The following GALNT9 variants were observed in gnomAD, a reference collection of about 807,000 sequenced individuals.
GALNT9 encodes the protein GalNAc transferase 9.
GALNT9 carries 47 observed loss-of-function variants against 63.1 expected under a neutral mutation model. The observed-to-expected ratio is 0.75, with a 90% CI of 0.59 to 0.95. GALNT9 has a LOEUF of 0.95. Among genes scored for constraint, GALNT9 ranks in the 40% least tolerant of loss-of-function variants. GALNT9 has a pLI of 0.00. For synonymous variants in GALNT9, 396 were observed against 365.7 expected, an observed-to-expected ratio of 1.08 and a Z score of -0.94; for missense variants, 829 against 874.8, an observed-to-expected ratio of 0.95 and a Z score of 0.66.
In GALNT9 at chr12:132,239,906, G is replaced by C. The variant is rs1046025476; in HGVS notation, c.1077+8004C>G. Among the ~76,000 whole-genome samples the C allele has an allele frequency of 3.6e-4, 54 of 152,072 alleles. 1 individual carries two copies. Among genetic ancestry groups the C allele is most frequent in the Non-Finnish European group, 1.5e-4 (10 of 68,006 alleles). On this transcript the variant is annotated intron_variant, in intron 6 of 10. Transcript: ENST00000328957. ...GACCACAGAGAGAGATGCAGAGAGA[G>C]GGGAATCATTTCTTGTGAGGGGCCT...
At chr12:132,308,185 G>C (rs1367992797) in intron 1 of GALNT9, among the ~76,000 whole-genome samples, 1 of 152,212 alleles carries the variant, frequency 6.6e-6, no homozygotes, top group Non-Finnish European at 1.5e-5. Context: ...AGCTGGGAGG[G>C]AAGGACAGAC....
chr12:132,229,761 T>G (rs1877825016), intron 6 of GALNT9, among the ~76,000 whole-genome samples: 1 of 152,210 alleles, frequency 6.6e-6, no homozygotes, highest in South Asian at 2.1e-4. Flanking sequence ...AAGCACCAAC[T>G]CAGTGCCAGT....
chr12:132,226,022 CCA>C (rs1877665235), intron 6 of GALNT9, among the ~76,000 whole-genome samples: 1 of 146,952 alleles, frequency 6.8e-6, no homozygotes, highest in Admixed American at 6.7e-5. Flanking sequence ...TGTACACACC[CCA>C]CATACACCCC....
At chr12:132,209,031 C>T (rs73166849) in intron 6 of GALNT9, among the ~76,000 whole-genome samples, 132 of 152,298 alleles carry the variant, frequency 8.7e-4, no homozygotes, top group African/African-American at 2.9e-3. Context: ...TGGTCACCCC[C>T]GTGCTACCTG....
At chr12:132,292,591 C>T (rs1237317623) in intron 1 of GALNT9, among the ~76,000 whole-genome samples, 4 of 152,222 alleles carry the variant, frequency 2.6e-5, no homozygotes, top group African/African-American at 9.7e-5. Context: ...ATTCACCCTA[C>T]AACACTGCGC....
intron 2 of GALNT9, among the ~76,000 whole-genome samples, chr12:132,267,771 T>TCACACG (rs1879668336): frequency 8.1e-6 from 1 of 124,084 alleles, no homozygotes; most frequent in Non-Finnish European, 1.6e-5. Context: ...ACACATGCAC[T>TCACACG]CACACACACG....
intron 5 of GALNT9, 49 bp downstream of exon 5, chr12:132,257,640 C>G (rs996683521): frequency 1.7e-5 from 25 of 1,440,274 alleles, no homozygotes; most frequent in Middle Eastern, 1.7e-4. Flanking sequence ...CGCTCTGCTC[C>G]GCTCCTTGCC....
In GALNT9 at chr12:132,329,308, C is replaced by G. The variant is rs1869195130; in HGVS notation, c.-105G>C. 1 of 1,420,876 alleles carries G rather than the reference C, an allele frequency of 7.0e-7. No homozygotes were observed. The highest frequency in any genetic ancestry group is 9.3e-7 in the Non-Finnish European group (1 of 1,079,142). 88.0% of individuals were successfully genotyped at this position (1,420,876 alleles called of 1,614,324 possible). A position where few individuals can be genotyped will look rare whatever the true frequency, so the allele number is the denominator to read the frequency against. ...GGGGACCATGAGCCGCCCGGGGCTG[C>G]GGGGGCTGCGGGGCTCGGCCGGAGC... On this transcript the variant is annotated 5_prime_UTR_variant, in exon 1 of 11. Transcript: ENST00000328957.
intron 6 of GALNT9, among the ~76,000 whole-genome samples, chr12:132,239,391 G>A (rs1419915341): frequency 6.6e-6 from 1 of 151,236 alleles, no homozygotes; most frequent in African/African-American, 2.4e-5. Context: ...GAGACACAGA[G>A]ACAGAAAGAG....
intron 6 of GALNT9, among the ~76,000 whole-genome samples, chr12:132,217,499 CCCATCCAT>C (rs778976866): frequency 6.6e-6 from 1 of 151,144 alleles, no homozygotes; most frequent in African/African-American, 2.4e-5. Flanking sequence ...TGCATCCCCA[CCCATCCAT>C]CCATCCATCC....
At chr12:132,323,932 G>A (rs1380516846) in intron 1 of GALNT9, among the ~76,000 whole-genome samples, 1 of 152,006 alleles carries the variant, frequency 6.6e-6, no homozygotes, top group African/African-American at 2.4e-5. Flanking sequence ...CTGTCTTCCC[G>A]GCCACGGCCA....
chr12:132,293,899 AAGG>A (rs1880954327), intron 1 of GALNT9, among the ~76,000 whole-genome samples: 2 of 152,158 alleles, frequency 1.3e-5, no homozygotes, highest in South Asian at 2.1e-4. Flanking sequence ...TCGGGGCCAG[AAGG>A]AGAAGCCAGG....
intron 6 of GALNT9, among the ~76,000 whole-genome samples, chr12:132,217,789 GCCATCCATCCATCCGTCCATTCAC>G (rs1260261290): frequency 7.8e-6 from 1 of 128,556 alleles, no homozygotes; most frequent in Non-Finnish European, 1.7e-5. Flanking sequence ...CATCCACCCA[GCCATCCATCCATCCGTCCATTCAC>G]CCATCCATCC....
intron 1 of GALNT9, among the ~76,000 whole-genome samples, chr12:132,305,134 G>T (rs1208202277): frequency 1.4e-4 from 3 of 21,296 alleles, no homozygotes; most frequent in South Asian, 2.4e-3. Context: ...CCCGGGCACA[G>T]CCTCGCCCGG....
chr12:132,311,864 G>T (rs1306021175), intron 1 of GALNT9, among the ~76,000 whole-genome samples: 1 of 152,218 alleles, frequency 6.6e-6, no homozygotes, highest in Non-Finnish European at 1.5e-5. Flanking sequence ...AGCAGGCAGA[G>T]TGTCCCACCA....
At position 132,315,614 on chromosome 12, in the gene GALNT9, C is replaced by T. The variant is rs919918105; in HGVS notation, c.238+13352G>A. On this transcript the variant is annotated intron_variant, in intron 1 of 10. Coordinates refer to ENST00000328957, the MANE Select transcript of GALNT9 (RefSeq NM_001122636.2). The surrounding 1 kb of genome is among the most constrained non-coding windows in gnomAD (Gnocchi z 6.1). ...CCGTGGGATGTGGGCGAGGTTGCGC[C>T]GCGGCTGCTGATCTGAGAAGGTCGC... Among the ~76,000 whole-genome samples, 11 of 152,178 alleles carry T rather than the reference C, an allele frequency of 7.2e-5. No individual in the cohort carries two copies. The highest frequency in any genetic ancestry group is 1.2e-4 in the African/African-American group (5 of 41,426).
intron 1 of GALNT9, among the ~76,000 whole-genome samples, chr12:132,309,810 G>C (rs1256184716): frequency 6.6e-6 from 1 of 152,218 alleles, no homozygotes; most frequent in Non-Finnish European, 1.5e-5. Flanking sequence ...GCACAGGAGG[G>C]CAGAGAAAGA....
chr12:132,243,781 C>A (rs1349558449), intron 6 of GALNT9, among the ~76,000 whole-genome samples: 1 of 152,188 alleles, frequency 6.6e-6, no homozygotes, highest in Admixed American at 6.6e-5. Context: ...CCTATGAAGG[C>A]CCTGCCTGCC....
Position 132,296,036 on chromosome 12 carries a change from AGAACAGGGAGAGCCTCT to A in GALNT9, c.239-9623_239-9607del, listed in dbSNP as rs148065536. Among the ~76,000 whole-genome samples, 39 of 132,796 alleles carry A rather than the reference AGAACAGGGAGAGCCTCT, an allele frequency of 2.9e-4. No individual in the cohort carries two copies. The highest frequency in any genetic ancestry group is 9.6e-4 in the African/African-American group (30 of 31,330). The allele number at this position is 132,796 out of a possible 152,430, so 87.1% of individuals were successfully genotyped here. ...AGCCTCCGGAACAGGGAGAGCCTCC[AGAACAGGGAGAGCCTCT>A]GAACAGGGAGAGGCTCCGGAACAGG... On this transcript the variant is annotated intron_variant, in intron 1 of 10. Coordinates refer to ENST00000328957, the MANE Select transcript of GALNT9 (RefSeq NM_001122636.2). The surrounding 1 kb of genome is among the most constrained non-coding windows in gnomAD (Gnocchi z 4.2).
Sources: gnomAD v4.1 joint callset for allele counts (sites outside exome capture counted in the v4.1 genomes callset) on GRCh38, gnomAD v4.1.1 for gene constraint, Gnocchi (gnomAD v3.1) non-coding constraint, MANE v1.5 for transcripts, NCBI Gene and HGNC (gene_info 2026-07-23, HGNC 2026-07-21) for gene names.